The following SLC6A9 variants were observed in gnomAD, a reference collection of about 807,000 sequenced individuals.
SLC6A9 encodes the protein solute carrier family 6 member 9.
Under a neutral mutation model 70.9 loss-of-function variants are expected in SLC6A9, and 31 were observed. The ratio of observed to expected loss-of-function variants is 0.44; its 90% CI spans 0.33 to 0.59. SLC6A9 has a LOEUF of 0.59. Among genes scored for constraint, SLC6A9 ranks in the 20% least tolerant of loss-of-function variants. The probability of loss-of-function intolerance (pLI) is 0.04; values close to 1 mark genes in which losing one functional copy is unlikely to be tolerated. For missense variants in SLC6A9, 631 were observed against 845.2 expected, an observed-to-expected ratio of 0.75 and a Z score of 3.14; for synonymous variants, 310 against 341.3, an observed-to-expected ratio of 0.91 and a Z score of 1.01.
rs745613707 is a variant in SLC6A9 at position 43,997,556 on chromosome 1, A to C, written c.1891T>G (p.Ser631Ala). The change falls in exon 14 of 14, where the codon TCC becomes GCC. Residue 631 changes from serine to alanine, a missense_variant. Ser to Ala is a moderately conservative substitution (Grantham distance 99, BLOSUM62 1). Coordinates refer to ENST00000372310, the MANE Select transcript of SLC6A9 (RefSeq NM_001024845.3). The surrounding 1 kb of genome is among the most constrained non-coding windows in gnomAD (Gnocchi z 4.4). ...CCTGGCAGCTGTGCTCATATCCGGG[A>C]GTCCTGGAGGCGGCTGGAGCCATTA... is the stretch of plus-strand genomic sequence containing the variant. ...GSNGSSRLQD[S>A]RI The C allele has an allele frequency of 5.0e-6, 8 of 1,613,214 alleles. No homozygotes were observed. Among genetic ancestry groups the C allele is most frequent in the East Asian group, 4.5e-5 (2 of 44,836 alleles).
intron 1 of SLC6A9, among the ~76,000 whole-genome samples, chr1:44,028,033 T>C (rs1252981617): frequency 1.3e-5 from 2 of 152,094 alleles, no homozygotes; most frequent in Non-Finnish European, 2.9e-5. Context: ...AGACAAAGAT[T>C]GTGTTATGAG....
chr1:44,000,149 C>T (rs542006463), intron 12 of SLC6A9, among the ~76,000 whole-genome samples: 24 of 152,222 alleles, frequency 1.6e-4, no homozygotes, highest in South Asian at 8.3e-4. Flanking sequence ...AGCTCTATCA[C>T]GGGTTACATG....
At chr1:44,010,130 G>A (rs2154305903) in intron 3 of SLC6A9, 34 bp from the exon 4 acceptor site, 1 of 1,611,672 alleles carries the variant, frequency 6.2e-7, no homozygotes, top group African/African-American at 1.3e-5. Flanking sequence ...CTCAGGAGTG[G>A]GCTTGGAGGG....
intron 1 of SLC6A9, among the ~76,000 whole-genome samples, chr1:44,026,393 T>G (rs1401843631): frequency 2.0e-5 from 3 of 152,156 alleles, no homozygotes; most frequent in African/African-American, 7.2e-5. Context: ...AAGCAGTGGC[T>G]CACGGCTGTA....
At chr1:44,010,119 G>T (rs1275829979) in intron 3 of SLC6A9, 23 bp from the exon 4 acceptor site, 5 of 1,612,804 alleles carry the variant, frequency 3.1e-6, no homozygotes, top group Non-Finnish European at 4.2e-6. Flanking sequence ...GAGAGGTCTG[G>T]CTCAGGAGTG....
At position 44,002,220 on chromosome 1, in the gene SLC6A9, G is replaced by A. The variant is rs564609317; in HGVS notation, c.962+93C>T. 1.8e-5 allele frequency: 15 copies of A among 834,382 alleles called. No individual in the cohort carries two copies. The highest frequency in any genetic ancestry group is 2.7e-5 in the Non-Finnish European group (13 of 481,534). The allele number at this position is 834,382 out of a possible 1,614,324, so 51.7% of individuals were successfully genotyped here. Reference sequence around the variant, plus strand: ...GAACCTCAAGATCATGAGGGGAAAGGAGGCCTCGTGGGCCCATGGCTGCAC... The same window carrying A: ...GAACCTCAAGATCATGAGGGGAAAGAAGGCCTCGTGGGCCCATGGCTGCAC... On this transcript the variant is annotated intron_variant, in intron 8 of 13. Transcript: ENST00000372310. This position sits in a 1 kb window ranked among gnomAD's most constrained non-coding sequence, Gnocchi z 5.5.
Position 44,021,612 on chromosome 1 carries a change from G to A in SLC6A9, c.30+2636C>T, listed in dbSNP as rs937827487. Among the ~76,000 whole-genome samples the A allele has an allele frequency of 4.6e-5, 7 of 152,330 alleles. No individual in the cohort carries two copies. In the South Asian group the frequency reaches 1.2e-3, roughly 27 times the overall value. On this transcript the variant is annotated intron_variant, in intron 2 of 13. Transcript: ENST00000372310. ...CCATGCATGCCAGGGCACAAATAGA[G>A]CAGCAGAAGCCACGGAGAACTGGGA...
rs746391409 is a variant in SLC6A9 at position 43,997,632 on chromosome 1, G to A, written c.1815C>T (p.Phe605=). Residue 605 remains phenylalanine, a synonymous_variant, in exon 14 of 14, where the codon TTC becomes TTT. Transcript: ENST00000372310. The surrounding 1 kb of genome is among the most constrained non-coding windows in gnomAD (Gnocchi z 4.4). The part of the protein sequence containing the change: ...PTIAPSPEDG[F]EVQPLHPDKA... Reference sequence around the variant, plus strand: ...TGTCCGGGTGCAGTGGCTGGACCTCGAAGCCGTCCTCAGGAGAGGGGGCTA... The same window carrying A: ...TGTCCGGGTGCAGTGGCTGGACCTCAAAGCCGTCCTCAGGAGAGGGGGCTA... 1.4e-5 allele frequency: 23 copies of A among 1,613,900 alleles called. No individual in the cohort carries two copies. Among genetic ancestry groups the A allele is most frequent in the Non-Finnish European group, 1.9e-5 (22 of 1,180,008 alleles).
Position 44,024,368 on chromosome 1 carries a change from G to A in SLC6A9, c.-85-6C>T. The A allele has an allele frequency of 6.6e-7, 1 of 1,506,344 alleles. No homozygotes were observed. Among genetic ancestry groups the A allele is most frequent in the Non-Finnish European group, 9.2e-7 (1 of 1,082,334 alleles). The allele number at this position is 1,506,344 out of a possible 1,614,324, so 93.3% of individuals were successfully genotyped here. On this transcript the variant is annotated splice_region_variant and splice_polypyrimidine_tract_variant and intron_variant, in intron 1 of 13. Coordinates refer to ENST00000372310, the MANE Select transcript of SLC6A9 (RefSeq NM_001024845.3). The stretch of plus-strand genomic sequence containing the variant: ...CAGGCCACAGATCTCAAGAGCTGTG[G>A]AGAGAGCAGAGGGTGAGGTGAGGAC...
intron 1 of SLC6A9, among the ~76,000 whole-genome samples, chr1:44,030,067 G>A (rs2087067213): frequency 7.9e-5 from 12 of 152,126 alleles, no homozygotes; most frequent in Admixed American, 7.8e-4. Flanking sequence ...GAGGGGGTGT[G>A]GCTTGCGGAG....
rs1280789408 is a variant in SLC6A9, at chr1:44,002,937, C to A, written c.639G>T (p.Val213=). The change falls in exon 6 of 14, where the codon GTG becomes GTT. Residue 213 remains valine (V), a synonymous_variant. Transcript: ENST00000372310. The surrounding 1 kb of genome is among the most constrained non-coding windows in gnomAD (Gnocchi z 5.5). ...LSDDIGNFGE[V]RLPLLGCLGV... is the part of the protein sequence containing the mutation. ...CGAGGCAGCCAAGGAGGGGCAGCCG[C>A]ACCTCCCCAAAGTTCCCAATGTCAT... 1.9e-6 allele frequency: 3 copies of A among 1,614,130 alleles called. No homozygotes were observed. In the South Asian group the frequency reaches 3.3e-5, roughly 18 times the overall value.
chr1:44,025,094 G>T (rs184953127), intron 1 of SLC6A9, among the ~76,000 whole-genome samples: 3 of 152,144 alleles, frequency 2.0e-5, no homozygotes, highest in Non-Finnish European at 4.4e-5. Flanking sequence ...TTATAAGTTC[G>T]TCAACTATGA....
At chr1:44,023,667 G>T (rs2086928621) in intron 2 of SLC6A9, among the ~76,000 whole-genome samples, 2 of 151,818 alleles carry the variant, frequency 1.3e-5, no homozygotes, top group South Asian at 4.2e-4. Context: ...AAAATAAAAA[G>T]AATCTCATCC....
At chr1:44,004,426 G>T (rs2154304962) in intron 5 of SLC6A9, among the ~76,000 whole-genome samples, 1 of 152,060 alleles carries the variant, frequency 6.6e-6, no homozygotes, top group African/African-American at 2.4e-5. Flanking sequence ...GCTCACTGCA[G>T]CCTCGACCTC....
At chr1:44,017,883 G>A (rs1039405125) in intron 2 of SLC6A9, among the ~76,000 whole-genome samples, 2 of 152,346 alleles carry the variant, frequency 1.3e-5, no homozygotes, top group East Asian at 1.9e-4. Flanking sequence ...GATTTGCACC[G>A]TGATGCCCAG....
At chr1:44,015,637 G>A (rs1026207936) in intron 2 of SLC6A9, among the ~76,000 whole-genome samples, 2 of 152,200 alleles carry the variant, frequency 1.3e-5, no homozygotes, top group African/African-American at 2.4e-5. Context: ...AAGACCCCAC[G>A]ACCTCCTTCC....
Position 44,024,382 on chromosome 1 carries a change from T to C in SLC6A9, c.-85-20A>G. 1.4e-6 allele frequency: 2 copies of C among 1,442,230 alleles called. No individual in the cohort carries two copies. Among genetic ancestry groups the C allele is most frequent in the South Asian group, 2.3e-5 (2 of 87,578 alleles). 89.3% of individuals were successfully genotyped at this position (1,442,230 alleles called of 1,614,324 possible). On this transcript the variant is annotated intron_variant, in intron 1 of 13. Coordinates refer to ENST00000372310, the MANE Select transcript of SLC6A9 (RefSeq NM_001024845.3). ...CAAGAGCTGTGGAGAGAGCAGAGGGTGAGGTGAGGACTTGGCCGTGTGGCC... is the reference window on the plus strand; with the variant it reads ...CAAGAGCTGTGGAGAGAGCAGAGGGCGAGGTGAGGACTTGGCCGTGTGGCC...
In SLC6A9 at chr1:44,002,703, C is replaced by G; in HGVS notation, c.724-57G>C. The G allele has an allele frequency of 8.1e-6, 13 of 1,604,086 alleles. No homozygotes were observed. The highest frequency in any genetic ancestry group is 1.1e-5 in the Non-Finnish European group (13 of 1,174,258). ...GGCTCTCCCCTCCCCTGGGCACCAC[C>G]ACCCTGGCTCCCTAATCACCACCAG... On this transcript the variant is annotated intron_variant, in intron 6 of 13. Coordinates refer to ENST00000372310, the MANE Select transcript of SLC6A9 (RefSeq NM_001024845.3). The surrounding 1 kb of genome is among the most constrained non-coding windows in gnomAD (Gnocchi z 5.5).
intron 1 of SLC6A9, among the ~76,000 whole-genome samples, chr1:44,029,746 A>AG (rs373178117): frequency 1.9e-4 from 29 of 152,308 alleles, no homozygotes; most frequent in African/African-American, 6.3e-4. Flanking sequence ...GAGCAGGTAC[A>AG]GCCGCAGTCG....
Sources: allele counts gnomAD v4.1 joint callset (sites outside exome capture counted in the v4.1 genomes callset), GRCh38; gene constraint gnomAD v4.1.1; non-coding constraint Gnocchi (gnomAD v3.1); transcripts MANE v1.5; gene names NCBI Gene and HGNC (gene_info 2026-07-23, HGNC 2026-07-21).